The following RYR3 variants were observed in gnomAD, a reference collection of about 807,000 sequenced individuals.
RYR3 encodes the protein ryanodine receptor 3.
RYR3 carries 207 observed loss-of-function variants against 584.3 expected under a neutral mutation model. The observed-to-expected ratio is 0.35, with a 90% confidence interval of 0.32 to 0.40. The LOEUF (loss-of-function observed/expected upper bound fraction) is 0.40. Among genes scored for constraint, RYR3 ranks in the 10% least tolerant of loss-of-function variants. RYR3 has a pLI of 1.00. For synonymous variants in RYR3, 2,416 were observed against 2,248.5 expected, an observed-to-expected ratio of 1.07 and a Z score of -2.11; for missense variants, 5,616 against 6,089.2, an observed-to-expected ratio of 0.92 and a Z score of 2.59.
At chr15:33,581,226 C>G (rs779418575) in intron 13 of RYR3, among the ~76,000 whole-genome samples, 10 of 152,140 alleles carry the variant, frequency 6.6e-5, no homozygotes, top group Non-Finnish European at 1.2e-4. Context: ...CCTCCCTCTT[C>G]CTAAGTATGT....
At chr15:33,388,873 C>A (rs2041809883) in intron 1 of RYR3, among the ~76,000 whole-genome samples, 1 of 151,998 alleles carries the variant, frequency 6.6e-6, no homozygotes, top group Non-Finnish European at 1.5e-5. Context: ...GGGCACTCAT[C>A]ACTCTTTATT....
intron 47 of RYR3, among the ~76,000 whole-genome samples, chr15:33,729,638 C>G (rs2068779212): frequency 6.6e-6 from 1 of 151,988 alleles, no homozygotes; most frequent in Non-Finnish European, 1.5e-5. Context: ...AGTTCACCAT[C>G]AACAAACATC....
At chr15:33,407,894 C>G (rs374564275) in intron 1 of RYR3, among the ~76,000 whole-genome samples, 4 of 152,210 alleles carry the variant, frequency 2.6e-5, no homozygotes, top group African/African-American at 9.6e-5. Flanking sequence ...ACTTGTTTCC[C>G]CTCTACTCTC....
chr15:33,489,744 T>C (rs1828015961), intron 2 of RYR3, among the ~76,000 whole-genome samples: 2 of 152,254 alleles, frequency 1.3e-5, no homozygotes, highest in South Asian at 4.1e-4. Context: ...CTGGGTCGAA[T>C]GGTGGTTCTG....
chr15:33,576,041 C>T (rs1393102636), intron 12 of RYR3, among the ~76,000 whole-genome samples: 1 of 151,968 alleles, frequency 6.6e-6, no homozygotes, highest in African/African-American at 2.4e-5. Flanking sequence ...ACATATACAC[C>T]CTCCCAAGAC....
At chr15:33,744,291 A>T (rs1024507023) in intron 52 of RYR3, among the ~76,000 whole-genome samples, 3 of 151,816 alleles carry the variant, frequency 2.0e-5, no homozygotes, top group Admixed American at 1.3e-4. Context: ...TGTATTTATA[A>T]CAGTTAAACA....
At chr15:33,696,065 G>A (rs147742961) in intron 38 of RYR3, among the ~76,000 whole-genome samples, 153 bp from the exon 39 acceptor site, 54 of 150,068 alleles carry the variant, frequency 3.6e-4, no homozygotes, top group African/African-American at 1.2e-3. Context: ...AAATTGCTAG[G>A]ATTATAGGCA....
chr15:33,408,258 A>G (rs1423695900), intron 1 of RYR3, among the ~76,000 whole-genome samples: 1 of 152,132 alleles, frequency 6.6e-6, no homozygotes, highest in Non-Finnish European at 1.5e-5. Context: ...ACATGTATTC[A>G]GTTTTCTGTT....
At chr15:33,677,667 C>T (rs937537789) in intron 38 of RYR3, among the ~76,000 whole-genome samples, 2 of 152,194 alleles carry the variant, frequency 1.3e-5, no homozygotes, top group African/African-American at 4.8e-5. Flanking sequence ...ATATGGGTAT[C>T]TGTATCTGTC....
chr15:33,503,748 C>A lies in RYR3; in HGVS notation c.279+10C>A. On this transcript the variant is annotated intron_variant, in intron 3 of 103. Coordinates refer to ENST00000634891, the MANE Select transcript of RYR3 (RefSeq NM_001036.6). ...AAATGGCGGCGAAGGGGTGAGTACCCGAATTGTGTCCTAGGTTGGGATTGG... is the reference window on the plus strand; with the variant it reads ...AAATGGCGGCGAAGGGGTGAGTACCAGAATTGTGTCCTAGGTTGGGATTGG... 2 of 1,564,172 alleles carry A rather than the reference C, an allele frequency of 1.3e-6. No individual in the cohort carries two copies. The highest frequency in any genetic ancestry group is 1.8e-6 in the Non-Finnish European group (2 of 1,138,906).
At chr15:33,864,910 G>A (rs752025521) in intron 103 of RYR3, 5 of 503,588 alleles carry the variant, frequency 9.9e-6, no homozygotes, top group Non-Finnish European at 1.8e-5. Flanking sequence ...TTGGGGCAGA[G>A]GGGGATTTTT....
At chr15:33,749,852 C>T (rs1222796978) in intron 55 of RYR3, 127 bp from the exon 56 acceptor site, 16 of 714,694 alleles carry the variant, frequency 2.2e-5, no homozygotes, top group Non-Finnish European at 3.6e-5. Flanking sequence ...ATGGGAAGCC[C>T]TTGGCCGTCT....
chr15:33,616,295 C>G (rs927103926), intron 19 of RYR3, among the ~76,000 whole-genome samples: 12 of 152,188 alleles, frequency 7.9e-5, no homozygotes, highest in Non-Finnish European at 1.5e-5. Context: ...CATAATGATT[C>G]TGAATCATTA....
At chr15:33,365,320 G>C (rs1033530616) in intron 1 of RYR3, among the ~76,000 whole-genome samples, 5 of 152,170 alleles carry the variant, frequency 3.3e-5, no homozygotes, top group African/African-American at 1.2e-4. Flanking sequence ...GGGACCAAAA[G>C]TCAGTCAGTG....
At position 33,603,196 on chromosome 15, in the gene RYR3, A is replaced by G. The variant is rs2059756551; in HGVS notation, c.1996A>G (p.Ile666Val). ...QYKKWYFELI[I>V]DQVDPFLTAE... ...CAAGAAGTGGTACTTCGAGCTGATT[A>G]TCGACCAGGTGGACCCCTTCCTAAC... The change falls in exon 18 of 104, where the codon ATC becomes GTC. Residue 666 changes from isoleucine (I) to valine (V), a missense_variant. Ile to Val is a conservative substitution (Grantham distance 29). This residue lies in a region of RYR3 where 1,284 missense variants were observed against 1,344.6 expected (regional missense o/e 0.95). Coordinates refer to ENST00000634891, the MANE Select transcript of RYR3 (RefSeq NM_001036.6). The G allele has an allele frequency of 1.9e-6, 3 of 1,613,914 alleles. No homozygotes were observed. The highest frequency in any genetic ancestry group is 2.5e-6 in the Non-Finnish European group (3 of 1,179,842).
chr15:33,840,263 C>T (rs771677396), intron 89 of RYR3, among the ~76,000 whole-genome samples: 3 of 152,064 alleles, frequency 2.0e-5, no homozygotes, highest in African/African-American at 4.8e-5. Context: ...CTGGAATGAT[C>T]GGGAATGTTC....
At chr15:33,764,222 A>G (rs1445863413) in intron 60 of RYR3, among the ~76,000 whole-genome samples, 1 of 152,224 alleles carries the variant, frequency 6.6e-6, no homozygotes, top group South Asian at 2.1e-4. Context: ...TGTGGCACAT[A>G]TATACCATGG....
intron 67 of RYR3, among the ~76,000 whole-genome samples, chr15:33,795,521 A>C (rs574129201): frequency 6.6e-6 from 1 of 151,164 alleles, no homozygotes; most frequent in East Asian, 1.9e-4. Flanking sequence ...CAGCCTCCCA[A>C]GTAGCTGGGA....
At chr15:33,766,261 C>T (rs188878625) in intron 60 of RYR3, among the ~76,000 whole-genome samples, 34 of 140,924 alleles carry the variant, frequency 2.4e-4, no homozygotes, top group African/African-American at 8.6e-4. Context: ...CCAGCCTGGA[C>T]AAGACAGTGA....
Sources: gnomAD v4.1 joint callset for allele counts (sites outside exome capture counted in the v4.1 genomes callset) on GRCh38, gnomAD v4.1.1 for gene constraint, gnomAD v4.1.1 regional missense constraint, MANE v1.5 for transcripts, NCBI Gene and HGNC (gene_info 2026-07-23, HGNC 2026-07-21) for gene names.